Variants in PDXDC1 observed in about 807,000 individuals in gnomAD.
PDXDC1 encodes pyridoxal-dependent decarboxylase domain-containing protein 1.
Under a neutral mutation model 100.1 loss-of-function variants are expected in PDXDC1, and 42 were observed. That is an observed-to-expected ratio of 0.42 (90% CI 0.33 to 0.54). PDXDC1 has a LOEUF of 0.54. Ranked by LOEUF, PDXDC1 falls within the 20% of genes least tolerant of loss-of-function variation. PDXDC1 has a pLI of 0.10. For synonymous variants in PDXDC1, 260 were observed against 371.7 expected, an observed-to-expected ratio of 0.70 and a Z score of 3.46; for missense variants, 636 against 979.2, an observed-to-expected ratio of 0.65 and a Z score of 4.68.
chr16:15,007,855 G>A (rs1232857281), intron 6 of PDXDC1, among the ~76,000 whole-genome samples: 1 of 152,288 alleles, frequency 6.6e-6, no homozygotes, highest in African/African-American at 2.4e-5. Context: ...AGAGTGTTCT[G>A]TTGGGAATGG....
At chr16:15,137,790 G>C in intron 16 of PDXDC1, 1 of 1,576,286 alleles carries the variant, frequency 6.3e-7, no homozygotes, top group Non-Finnish European at 8.6e-7. Context: ...CCAAGCAGAG[G>C]CTGGCCAGCC....
intron 16 of PDXDC1, among the ~76,000 whole-genome samples, chr16:15,085,889 G>A (rs891552806): frequency 5.9e-5 from 9 of 151,990 alleles, no homozygotes; most frequent in African/African-American, 1.5e-4. Flanking sequence ...GTTTTTAAAC[G>A]GCTAAAAATT....
intron 16 of PDXDC1, among the ~76,000 whole-genome samples, chr16:15,093,010 A>T (rs2046198134): frequency 6.7e-6 from 1 of 148,286 alleles, no homozygotes; most frequent in Non-Finnish European, 1.5e-5. Flanking sequence ...ACGTGGCTGG[A>T]TTTTTTTTTT....
At chr16:15,077,994 G>C (rs1212002391) in intron 16 of PDXDC1, among the ~76,000 whole-genome samples, 1 of 152,164 alleles carries the variant, frequency 6.6e-6, no homozygotes, top group East Asian at 1.9e-4. Flanking sequence ...GAAAAATGAT[G>C]AACTGCCAGC....
intron 16 of PDXDC1, chr16:15,048,199 C>A: frequency 1.3e-6 from 1 of 752,642 alleles, no homozygotes; most frequent in Non-Finnish European, 2.2e-6. Context: ...GTGGGCAGCA[C>A]GCTAGTGTGT....
chr16:15,091,732 G>A (rs2046137239), intron 16 of PDXDC1, among the ~76,000 whole-genome samples: 1 of 152,118 alleles, frequency 6.6e-6, no homozygotes, highest in African/African-American at 2.4e-5. Flanking sequence ...GGATACAAAT[G>A]GATATTACAT....
At chr16:15,063,334 T>A (rs767291671) in intron 16 of PDXDC1, 4 of 1,390,000 alleles carry the variant, frequency 2.9e-6, no homozygotes, top group Non-Finnish European at 4.1e-6. Flanking sequence ...TCGGCAGAAG[T>A]CAAAATTGGT....
intron 1 of PDXDC1, among the ~76,000 whole-genome samples, chr16:14,992,265 T>G (rs1376090793): frequency 2.6e-5 from 4 of 152,284 alleles, no homozygotes; most frequent in Non-Finnish European, 5.9e-5. Flanking sequence ...AGAGCAAAAG[T>G]GGCTTTATCT....
At chr16:14,975,023 C>A (rs1324894327), upstream of PDXDC1, 3 of 1,532,006 alleles carry the variant, frequency 2.0e-6, no homozygotes, top group East Asian at 7.4e-5. Flanking sequence ...CCCGCCCCGC[C>A]GCCTCTCAAC....
chr16:15,013,796 A>T (rs2041547423), intron 8 of PDXDC1, among the ~76,000 whole-genome samples: 1 of 151,046 alleles, frequency 6.6e-6, no homozygotes, highest in African/African-American at 2.4e-5. Context: ...AATCGCTTGA[A>T]CCTGGGAGGT....
chr16:15,133,632 G>T, intron 16 of PDXDC1: 1 of 1,308,302 alleles, frequency 7.6e-7, no homozygotes, highest in South Asian at 1.2e-5. Context: ...TCCTCGCAGT[G>T]GCCCTGGCGA....
chr16:15,125,501 C>G, intron 16 of PDXDC1: 3 of 1,371,214 alleles, frequency 2.2e-6, no homozygotes, highest in Non-Finnish European at 3.1e-6. Flanking sequence ...CCCGGTACTC[C>G]AGACACAGTG....
Position 15,036,176 on chromosome 16 carries a change from C to CTCGGA in PDXDC1, c.2268_2269insTCGGA (p.Pro758GlufsTer26), listed in dbSNP as rs1567737881. Reference sequence around the variant, plus strand: ...GCACTGAGGGACACCCAGGGGCTCCCAGCCCTCAGCACACCGACCAGACCG... The same window carrying CTCGGA: ...GCACTGAGGGACACCCAGGGGCTCCCTCGGAAGCCCTCAGCACACCGACCAGACCG... On this transcript the variant is annotated frameshift_variant, in exon 23 of 23. Transcript: ENST00000396410. LOFTEE classifies it low-confidence loss of function (END_TRUNC). 1 of 1,614,160 alleles carries CTCGGA rather than the reference C, an allele frequency of 6.2e-7. No homozygotes were observed.
chr16:15,096,646 G>C (rs563420236), intron 16 of PDXDC1, among the ~76,000 whole-genome samples: 2 of 152,216 alleles, frequency 1.3e-5, no homozygotes, highest in Non-Finnish European at 2.9e-5. Flanking sequence ...AAAACAAAAA[G>C]CAACAATAGC....
Position 15,032,864 on chromosome 16 carries a change from T to G in PDXDC1, c.1575T>G (p.Tyr525Ter). 6.4e-7 allele frequency: 1 copy of G among 1,552,172 alleles called. No homozygotes were observed. Among genetic ancestry groups the G allele is most frequent in the Non-Finnish European group, 8.9e-7 (1 of 1,123,466 alleles). ...PNWSGIGVVR[Y>*]EHANDDKSSL... The stretch of plus-strand genomic sequence containing the variant: ...CTGTGGTTTGATGTTGTTTTAGGTA[T>G]GAACATGCTAATGATGATAAGAGCA... Residue 525 changes from tyrosine to a stop codon, truncating the protein, a stop_gained, in exon 18 of 23, where the codon TAT (tyrosine) becomes TAG (stop). Transcript: ENST00000396410. LOFTEE classifies it high-confidence loss of function.
chr16:15,064,151 T>G (rs1353113322), intron 16 of PDXDC1, among the ~76,000 whole-genome samples: 6 of 152,056 alleles, frequency 3.9e-5, no homozygotes, highest in Non-Finnish European at 8.8e-5. Flanking sequence ...GAACAACTCA[T>G]CTAGATAAAT....
downstream of PDXDC1, chr16:15,041,232 A>G: frequency 1.3e-6 from 1 of 742,392 alleles, no homozygotes; most frequent in Admixed American, 2.1e-5. Flanking sequence ...AAGGGAGGAA[A>G]ATTCCAGAAA....
intron 16 of PDXDC1, chr16:15,126,083 G>A (rs1352561893): frequency 9.9e-6 from 5 of 506,042 alleles, no homozygotes; most frequent in Admixed American, 3.2e-5. Context: ...CACCCAGGCT[G>A]GAGTGCACTG....
downstream of PDXDC1, among the ~76,000 whole-genome samples, chr16:15,142,057 C>T (rs1373442111): frequency 6.6e-6 from 1 of 152,154 alleles, no homozygotes; most frequent in Admixed American, 6.5e-5. Flanking sequence ...GAAACTGCCC[C>T]GGGGAGGGGC....
Sources: gnomAD v4.1 joint callset for allele counts (sites outside exome capture counted in the v4.1 genomes callset) on GRCh38, gnomAD v4.1.1 for gene constraint, MANE v1.5 for transcripts, NCBI Gene and HGNC (gene_info 2026-07-23, HGNC 2026-07-21) for gene names.